SETD2: variants seen among roughly 807,000 people sequenced by gnomAD.
The protein encoded by SETD2 is histone-lysine N-methyltransferase SETD2.
A neutral mutation model predicts 242.1 loss-of-function variants in SETD2; 31 were observed. The observed-to-expected ratio is 0.13, with a 90% CI of 0.10 to 0.17. The LOEUF is 0.17. Among genes scored for constraint, SETD2 ranks in the 10% least tolerant of loss-of-function variants. The probability of loss-of-function intolerance (pLI) is 1.00; values close to 1 mark genes in which losing one functional copy is unlikely to be tolerated. For synonymous variants in SETD2, 1,006 were observed against 1,066.5 expected (o/e 0.94, Z 1.11); for missense variants, 2,481 against 3,046.3 (o/e 0.81, Z 4.37).
At chr3:47,023,268 C>T (rs942214792) in intron 18 of SETD2, among the ~76,000 whole-genome samples, 4 of 152,062 alleles carry the variant, frequency 2.6e-5, no homozygotes, top group East Asian at 1.9e-4. Flanking sequence ...GGCGCGGCGG[C>T]GTGCACCTGT....
rs1282148926 is a variant in SETD2, at chr3:47,046,609, G to C, written c.6976C>G (p.Pro2326Ala). ...TGCCCCTGGATATACTGAAGACTTG[G>C]CTGGGCATAACTCTAAAAGATAAAA... ...TPPIVQSYAQ[P>A]SLQYIQGQQI... The change falls in exon 16 of 21, where the codon CCA becomes GCA. Residue 2326 changes from proline to alanine, a missense_variant. Pro to Ala is a conservative substitution (Grantham distance 27). Coordinates refer to ENST00000409792, the MANE Select transcript of SETD2 (RefSeq NM_014159.7). 2 of 1,610,646 alleles carry C rather than the reference G, an allele frequency of 1.2e-6. No individual in the cohort carries two copies. The highest frequency in any genetic ancestry group is 1.7e-6 in the Non-Finnish European group (2 of 1,178,250).
chr3:47,129,600 T>C (rs571024943), intron 1 of SETD2, among the ~76,000 whole-genome samples: 36 of 152,308 alleles, frequency 2.4e-4, no homozygotes, highest in African/African-American at 7.9e-4. Context: ...GAGAAGGAGA[T>C]ACAGGCTGGG....
intron 1 of SETD2, among the ~76,000 whole-genome samples, chr3:47,132,186 C>T (rs1490977475): frequency 6.9e-6 from 1 of 144,564 alleles, no homozygotes; most frequent in African/African-American, 2.6e-5. Context: ...AGGCTGGAGT[C>T]CAGTGGCGCA....
chr3:47,121,351 T>C lies in SETD2; in HGVS notation c.3285A>G (p.Arg1095=), dbSNP rs2043077758. ...CATCTTCCCAATGGTCAGAATAGTG[T>C]CTATAACTTTGACTGCTCCGAGAAG... ...PCSSRSSQSY[R]HYSDHWEDER... Residue 1095 remains arginine (R), a synonymous_variant, in exon 3 of 21, where the codon AGA becomes AGG. Coordinates refer to ENST00000409792, the MANE Select transcript of SETD2 (RefSeq NM_014159.7). 2 of 1,610,110 alleles carry C rather than the reference T, an allele frequency of 1.2e-6. No homozygotes were observed. Among genetic ancestry groups the C allele is most frequent in the Non-Finnish European group, 1.7e-6 (2 of 1,180,022 alleles).
chr3:47,033,652 A>ATT (rs34978514), intron 18 of SETD2, among the ~76,000 whole-genome samples: 29,455 of 90,752 alleles, frequency 0.32, 8,802 homozygotes, highest in South Asian at 0.38. Flanking sequence ...TCATGGTTTG[A>ATT]TTTTTTTTTT....
chr3:47,126,629 CTAGT>C lies in SETD2; in HGVS notation c.87+15_87+18del, dbSNP rs1481562416. ...GGTCCATCTCATAATCATTGAATGA[CTAGT>C]TAAATTATACTTACCTCATTTTCTT... On this transcript the variant is annotated intron_variant, in intron 2 of 20. Coordinates refer to ENST00000409792, the MANE Select transcript of SETD2 (RefSeq NM_014159.7). 4 of 1,280,702 alleles carry C rather than the reference CTAGT, an allele frequency of 3.1e-6. No individual in the cohort carries two copies. In the Admixed American group the frequency reaches 6.2e-5, roughly 20 times the overall value. 79.3% of individuals were successfully genotyped at this position (1,280,702 alleles called of 1,614,324 possible).
chr3:47,119,699 A>G, intron 3 of SETD2: 1 of 419,366 alleles, frequency 2.4e-6, no homozygotes, highest in Non-Finnish European at 4.9e-6. Context: ...GTCCAATTAA[A>G]CCTCTTTTTC....
intron 3 of SETD2, among the ~76,000 whole-genome samples, chr3:47,118,573 T>G (rs1167189110): frequency 6.7e-6 from 1 of 150,344 alleles, no homozygotes; most frequent in African/African-American, 2.5e-5. Context: ...ATACAAAAAT[T>G]AGCTGGGCGT....
At chr3:47,155,805 C>T (rs938416426) in intron 1 of SETD2, among the ~76,000 whole-genome samples, 14 of 152,042 alleles carry the variant, frequency 9.2e-5, no homozygotes, top group African/African-American at 3.4e-4. Context: ...GACCCTGTCT[C>T]ACACACACAT....
At chr3:47,049,475 C>T (rs1442292038) in intron 15 of SETD2, among the ~76,000 whole-genome samples, 1 of 145,606 alleles carries the variant, frequency 6.9e-6, no homozygotes. Context: ...CGGGTTCACG[C>T]CATTCTCCTG....
At chr3:47,071,256 T>C (rs530046003) in intron 12 of SETD2, among the ~76,000 whole-genome samples, 3 of 152,322 alleles carry the variant, frequency 2.0e-5, no homozygotes, top group African/African-American at 7.2e-5. Context: ...CTTTAGTGTC[T>C]AGGTGCAAAC....
intron 18 of SETD2, among the ~76,000 whole-genome samples, chr3:47,031,675 C>T (rs2038776954): frequency 1.3e-5 from 2 of 152,132 alleles, no homozygotes; most frequent in South Asian, 2.1e-4. Context: ...AATATGCATA[C>T]TGTAAACCTT....
chr3:47,126,564 G>T, intron 2 of SETD2, 84 bp downstream of exon 2: 1 of 671,128 alleles, frequency 1.5e-6, no homozygotes, highest in Non-Finnish European at 2.5e-6. Context: ...TACATTTTGA[G>T]TGTTTTCAGC....
chr3:47,095,034 A>C (rs1220399710), intron 9 of SETD2, among the ~76,000 whole-genome samples: 2 of 152,196 alleles, frequency 1.3e-5, no homozygotes, highest in Non-Finnish European at 2.9e-5. Flanking sequence ...ATATAATGCC[A>C]CCTCTTAATC....
chr3:47,152,845 A>G (rs905479021), intron 1 of SETD2, among the ~76,000 whole-genome samples: 13 of 152,248 alleles, frequency 8.5e-5, no homozygotes, highest in African/African-American at 2.9e-4. Flanking sequence ...GCACAATTGC[A>G]GTCTTATCAA....
intron 5 of SETD2, among the ~76,000 whole-genome samples, chr3:47,107,039 A>C (rs1310019741): frequency 1.3e-5 from 2 of 151,706 alleles, no homozygotes; most frequent in Non-Finnish European, 2.9e-5. Context: ...TCTTTTCTTG[A>C]TTATTTACCT....
intron 5 of SETD2, among the ~76,000 whole-genome samples, chr3:47,113,359 G>A (rs1339811824): frequency 2.6e-5 from 4 of 152,020 alleles, no homozygotes; most frequent in African/African-American, 9.7e-5. Context: ...GATTCTGGGG[G>A]TCCACAGTAA....
chr3:47,040,529 T>TA (rs1451471168), intron 17 of SETD2, among the ~76,000 whole-genome samples: 3 of 151,056 alleles, frequency 2.0e-5, no homozygotes, highest in East Asian at 3.9e-4. Flanking sequence ...TCCCACCTGT[T>TA]AGACTTGCAA....
At chr3:47,064,550 C>A (rs2040477910) in intron 13 of SETD2, 2 of 281,694 alleles carry the variant, frequency 7.1e-6, no homozygotes, top group Non-Finnish European at 1.5e-5. Flanking sequence ...AAAAAGGAAT[C>A]ATACCAACAG....
Sources: gnomAD v4.1 joint callset for allele counts (sites outside exome capture counted in the v4.1 genomes callset) on GRCh38, gnomAD v4.1.1 for gene constraint, MANE v1.5 for transcripts, NCBI Gene and HGNC (gene_info 2026-07-23, HGNC 2026-07-21) for gene names.